EBF1: variants seen among roughly 807,000 people sequenced by gnomAD.
EBF1 encodes the protein EBF transcription factor 1, also known as transcription factor COE1.
Under a neutral mutation model 68.4 loss-of-function variants are expected in EBF1, and 10 were observed. The ratio of observed to expected loss-of-function variants is 0.15; its 90% CI spans 0.09 to 0.25. The LOEUF (loss-of-function observed/expected upper bound fraction) is 0.25. EBF1 is among the 10% of genes least tolerant of loss of function. The pLI, the probability that EBF1 is intolerant of heterozygous loss-of-function variation, is 1.00. For missense variants in EBF1, 509 were observed against 794.4 expected, an observed-to-expected ratio of 0.64 and a Z score of 4.32; for synonymous variants, 298 against 299.8, an observed-to-expected ratio of 0.99 and a Z score of 0.06.
At chr5:159,091,322 C>A (rs531448045) in intron 4 of EBF1, among the ~76,000 whole-genome samples, 1 of 152,318 alleles carries the variant, frequency 6.6e-6, no homozygotes, top group East Asian at 1.9e-4. Flanking sequence ...AGACTCCAAA[C>A]AACACATTTT....
At chr5:158,723,321 A>C (rs1320873533) in intron 11 of EBF1, among the ~76,000 whole-genome samples, 2 of 152,142 alleles carry the variant, frequency 1.3e-5, no homozygotes, top group Non-Finnish European at 2.9e-5. Context: ...GGCACTGCTT[A>C]GGGGATATAG....
intron 10 of EBF1, among the ~76,000 whole-genome samples, chr5:158,737,925 G>A (rs1036442928): frequency 5.3e-5 from 8 of 152,114 alleles, no homozygotes; most frequent in African/African-American, 1.9e-4. Context: ...AGAAGTAAAA[G>A]CCATCAAGAA....
intron 7 of EBF1, among the ~76,000 whole-genome samples, chr5:158,824,402 T>A (rs373499220): frequency 6.6e-6 from 1 of 152,200 alleles, no homozygotes; most frequent in Admixed American, 6.5e-5. Context: ...GCAGATTAAT[T>A]TAATTAGAAT....
chr5:158,923,786 C>A (rs1808978864), intron 6 of EBF1, among the ~76,000 whole-genome samples: 2 of 152,308 alleles, frequency 1.3e-5, no homozygotes, highest in East Asian at 3.9e-4. Context: ...ATCCAAGTCT[C>A]AATGATTCTG....
chr5:158,875,087 A>ACACACACACACACACACC (rs10581960), intron 6 of EBF1, among the ~76,000 whole-genome samples: 1 of 149,002 alleles, frequency 6.7e-6, no homozygotes, highest in African/African-American at 2.5e-5. Flanking sequence ...ACACACACAC[A>ACACACACACACACACACC]CCAGGCAGTT....
chr5:158,817,249 T>A (rs1340924321), intron 8 of EBF1, among the ~76,000 whole-genome samples: 1 of 152,206 alleles, frequency 6.6e-6, no homozygotes, highest in African/African-American at 2.4e-5. Context: ...GGCAATTTTT[T>A]TTTTTGTCCC....
chr5:159,024,398 T>C (rs1435965296), intron 6 of EBF1, among the ~76,000 whole-genome samples: 1 of 152,226 alleles, frequency 6.6e-6, no homozygotes, highest in Non-Finnish European at 1.5e-5. Flanking sequence ...TTTCCAATTT[T>C]ACGGCCCTTG....
intron 6 of EBF1, among the ~76,000 whole-genome samples, chr5:159,058,388 T>C (rs900722132): frequency 2.0e-5 from 3 of 152,186 alleles, no homozygotes; most frequent in Non-Finnish European, 4.4e-5. Context: ...CGTGAAAAAG[T>C]CACTGGTAGG....
At chr5:158,889,901 G>T (rs183897133) in intron 6 of EBF1, among the ~76,000 whole-genome samples, 1 of 152,086 alleles carries the variant, frequency 6.6e-6, no homozygotes, top group South Asian at 2.1e-4. Flanking sequence ...ATACAGTATG[G>T]CAACAATTCA....
At chr5:158,878,301 C>T (rs1798178361) in intron 6 of EBF1, among the ~76,000 whole-genome samples, 2 of 151,996 alleles carry the variant, frequency 1.3e-5, no homozygotes, top group South Asian at 4.1e-4. Flanking sequence ...AAAGAGAAAG[C>T]TTTACTGGTT....
intron 10 of EBF1, 76 bp from the exon 11 acceptor site, chr5:158,731,233 G>A: frequency 7.3e-7 from 1 of 1,366,138 alleles, no homozygotes; most frequent in Non-Finnish European, 1.0e-6. Flanking sequence ...CTAATGGTGT[G>A]GAAATAACCA....
intron 3 of EBF1, among the ~76,000 whole-genome samples, chr5:159,095,921 A>G (rs1782522874): frequency 6.6e-6 from 1 of 152,210 alleles, no homozygotes; most frequent in Admixed American, 6.5e-5. Flanking sequence ...CAAGTTCTGC[A>G]GCTGGGACTG....
At chr5:158,907,601 G>T (rs777703650) in intron 6 of EBF1, among the ~76,000 whole-genome samples, 3 of 152,132 alleles carry the variant, frequency 2.0e-5, no homozygotes, top group Non-Finnish European at 4.4e-5. Context: ...TCTCATGGGT[G>T]TCCTGGTCCC....
chr5:158,786,049 C>T (rs1777365041), intron 9 of EBF1, among the ~76,000 whole-genome samples: 1 of 152,008 alleles, frequency 6.6e-6, no homozygotes, highest in Non-Finnish European at 1.5e-5. Flanking sequence ...CCATTAGCCA[C>T]CACTAATAAT....
chr5:158,767,101 A>G (rs2127639103), intron 10 of EBF1, among the ~76,000 whole-genome samples: 1 of 152,308 alleles, frequency 6.6e-6, no homozygotes, highest in East Asian at 1.9e-4. Flanking sequence ...AAGCCATGTG[A>G]TAAATAGTTC....
chr5:158,712,510 C>A (rs543674007), intron 13 of EBF1, among the ~76,000 whole-genome samples, 177 bp from the exon 14 acceptor site: 8 of 152,044 alleles, frequency 5.3e-5, no homozygotes, highest in African/African-American at 1.7e-4. Context: ...AAATGGGAAG[C>A]GAGCAAAAGA....
intron 15 of EBF1, among the ~76,000 whole-genome samples, chr5:158,701,995 G>A (rs1294000057): frequency 1.3e-5 from 2 of 152,082 alleles, no homozygotes; most frequent in African/African-American, 4.8e-5. Context: ...CAGCATTTCT[G>A]GAACATTCTA....
At chr5:159,011,033 G>A (rs930236007) in intron 6 of EBF1, among the ~76,000 whole-genome samples, 1 of 152,168 alleles carries the variant, frequency 6.6e-6, no homozygotes, top group Non-Finnish European at 1.5e-5. Context: ...TTTGCGGGGA[G>A]GGTGAGCCCT....
chr5:158,992,945 T>G lies in EBF1; in HGVS notation c.554+80451A>C, dbSNP rs950418006. Among the ~76,000 whole-genome samples the G allele has an allele frequency of 1.7e-4, 10 of 60,538 alleles. No individual in the cohort carries two copies. The South Asian group carries it at 1.8e-3, about 11-fold the overall frequency. The allele number at this position is 60,538 out of a possible 152,430, so 39.7% of individuals were successfully genotyped here. On this transcript the variant is annotated intron_variant, in intron 6 of 15. Transcript: ENST00000313708. ...TTTTTTTTTTTTTTTTTTTTTTTTT[T>G]TGAGACGGAGTCTTGCTCTGTTGCC...
Sources: gnomAD v4.1 joint callset for allele counts (sites outside exome capture counted in the v4.1 genomes callset) on GRCh38, gnomAD v4.1.1 for gene constraint, MANE v1.5 for transcripts, NCBI Gene and HGNC (gene_info 2026-07-23, HGNC 2026-07-21) for gene names.